The following TOP2B variants were observed in gnomAD, a reference collection of about 807,000 sequenced individuals.
TOP2B encodes DNA topoisomerase II beta.
TOP2B carries 51 observed loss-of-function variants against 193.5 expected under a neutral mutation model. That is an observed-to-expected ratio of 0.26 (90% CI 0.21 to 0.33). TOP2B has a LOEUF of 0.33. Among genes scored for constraint, TOP2B ranks in the 10% least tolerant of loss-of-function variants. The pLI is 1.00. For missense variants in TOP2B, 1,378 were observed against 1,909.3 expected, an observed-to-expected ratio of 0.72 and a Z score of 5.19; for synonymous variants, 634 against 635.7, an observed-to-expected ratio of 1.00 and a Z score of 0.04.
intron 7 of TOP2B, among the ~76,000 whole-genome samples, chr3:25,634,271 A>G (rs1703040826): frequency 6.6e-6 from 1 of 152,266 alleles, no homozygotes; most frequent in Non-Finnish European, 1.5e-5. Context: ...AGAAATTTCT[A>G]TTTTTAAAAT....
intron 4 of TOP2B, among the ~76,000 whole-genome samples, chr3:25,641,659 T>C (rs1459779162): frequency 6.6e-6 from 1 of 152,100 alleles, no homozygotes; most frequent in African/African-American, 2.4e-5. Context: ...TTAACTGAAA[T>C]TAGATTATTA....
intron 25 of TOP2B, among the ~76,000 whole-genome samples, chr3:25,617,298 G>C (rs1365198647): frequency 6.6e-6 from 1 of 151,970 alleles, no homozygotes; most frequent in Non-Finnish European, 1.5e-5. Context: ...ACCATAATTT[G>C]GGGTTCAATA....
At chr3:25,616,291 TA>T (rs1156476827) in intron 25 of TOP2B, among the ~76,000 whole-genome samples, 13 of 151,868 alleles carry the variant, frequency 8.6e-5, no homozygotes, top group African/African-American at 3.1e-4. Context: ...ATATCACCTT[TA>T]AATTTTTTAA....
intron 4 of TOP2B, 48 bp from the exon 5 acceptor site, chr3:25,638,358 A>AAAAAT: frequency 7.3e-7 from 1 of 1,372,898 alleles, no homozygotes; most frequent in East Asian, 2.8e-5. Flanking sequence ...AAAAAGCAGA[A>AAAAAT]TTTAGAGCTT....
In TOP2B at chr3:25,598,286, A is replaced by ATGT. The variant is rs1559487729; in HGVS notation, c.*18_*20dup. On this transcript the variant is annotated 3_prime_UTR_variant, in exon 36 of 36. Transcript: ENST00000264331. The stretch of plus-strand genomic sequence containing the variant: ...GACAACACAAGATATTTGTTGAAAA[A>ATGT]TGTTTGTGCTCTTTGGGCACTTAAT... 1 of 1,584,254 alleles carries ATGT rather than the reference A, an allele frequency of 6.3e-7. No homozygotes were observed. Among genetic ancestry groups the ATGT allele is most frequent in the East Asian group, 2.3e-5 (1 of 44,146 alleles).
chr3:25,657,697 G>C (rs1159756218), intron 1 of TOP2B, among the ~76,000 whole-genome samples: 1 of 152,126 alleles, frequency 6.6e-6, no homozygotes, highest in African/African-American at 2.4e-5. Flanking sequence ...ACAGTAATAA[G>C]ATATCATGTT....
intron 2 of TOP2B, among the ~76,000 whole-genome samples, chr3:25,644,020 G>T (rs1703340600): frequency 2.0e-5 from 3 of 150,662 alleles, no homozygotes; most frequent in Admixed American, 6.6e-5. Context: ...TTTAATGTAA[G>T]ACATCAATAA....
intron 23 of TOP2B, among the ~76,000 whole-genome samples, chr3:25,619,548 G>C (rs1294986185): frequency 1.3e-5 from 2 of 152,016 alleles, no homozygotes; most frequent in Non-Finnish European, 2.9e-5. Context: ...AATGCTAATA[G>C]AGATGGCCAT....
chr3:25,623,740 T>C lies in TOP2B; in HGVS notation c.2502A>G (p.Leu834=). The C allele has an allele frequency of 1.2e-6, 2 of 1,607,684 alleles. No individual in the cohort carries two copies. The highest frequency in any genetic ancestry group is 1.3e-5 in the African/African-American group (1 of 74,896). The change falls in exon 21 of 36, where the codon TTA becomes TTG. Residue 834 remains leucine, a synonymous_variant. Transcript: ENST00000264331. ...CCACAGCAGGAAAAAGTAGCCTTGCTAAAGTGCTAATGAAAACAAAAAGAA... is the reference window on the plus strand; with the variant it reads ...CCACAGCAGGAAAAAGTAGCCTTGCCAAAGTGCTAATGAAAACAAAAAGAA... ...PRYIFTMLST[L]ARLLFPAVDD...
chr3:25,625,830 A>T (rs1255125797), intron 18 of TOP2B, among the ~76,000 whole-genome samples: 4 of 152,224 alleles, frequency 2.6e-5, no homozygotes, highest in African/African-American at 4.8e-5. Context: ...AACTTCTTTA[A>T]GAATTTTGTA....
In TOP2B at chr3:25,662,053, T is replaced by A. The variant is rs1455042181; in HGVS notation, c.69+2176A>T. Among the ~76,000 whole-genome samples the A allele has an allele frequency of 3.9e-5, 6 of 152,228 alleles. No individual in the cohort carries two copies. In the East Asian group the frequency reaches 1.2e-3, roughly 29 times the overall value. On this transcript the variant is annotated intron_variant, in intron 1 of 35. Transcript: ENST00000264331. ...TTGCTTTTACCCCAGCTAAAAGATATTTTATGTAAAAGCAACTGCAATCTA... is the reference window on the plus strand; with the variant it reads ...TTGCTTTTACCCCAGCTAAAAGATAATTTATGTAAAAGCAACTGCAATCTA...
chr3:25,630,242 T>C, intron 12 of TOP2B, 70 bp downstream of exon 12: 1 of 1,522,318 alleles, frequency 6.6e-7, no homozygotes, highest in Non-Finnish European at 8.8e-7. Context: ...AGAAGTTTAG[T>C]AAAGTATTAG....
rs989643974 is a variant in TOP2B at position 25,606,002 on chromosome 3, G to T, written c.4378+41C>A. ...TACTGTTTTCTCTCCACCACTAAAA[G>T]CAATAATACAATAACCAATGAAAAG... is the stretch of plus-strand genomic sequence containing the variant. On this transcript the variant is annotated intron_variant, in intron 32 of 35. Coordinates refer to ENST00000264331, the MANE Select transcript of TOP2B (RefSeq NM_001330700.2). The T allele has an allele frequency of 1.1e-5, 13 of 1,150,184 alleles. No homozygotes were observed. In the African/African-American group the frequency reaches 1.9e-4, roughly 17 times the overall value. 71.2% of individuals were successfully genotyped at this position (1,150,184 alleles called of 1,614,324 possible). A position where few individuals can be genotyped will look rare whatever the true frequency, so the allele number is the denominator to read the frequency against.
Position 25,624,665 on chromosome 3 carries a change from C to T in TOP2B, c.2346+17G>A, listed in dbSNP as rs2293787. ...CAATAATTACAGTTCTCAATTGATT[C>T]CAATCTTAATGCTTACTTCTCCATG... is the stretch of plus-strand genomic sequence containing the variant. On this transcript the variant is annotated intron_variant, in intron 19 of 35. Transcript: ENST00000264331. 0.17 allele frequency: 269,545 copies of T among 1,610,662 alleles called. 23,553 individuals are homozygous for T. The highest frequency in any genetic ancestry group is 0.2 in the East Asian group (8,850 of 44,816).
intron 1 of TOP2B, among the ~76,000 whole-genome samples, chr3:25,654,848 G>GGAA (rs902914253): frequency 6.6e-6 from 1 of 152,112 alleles, no homozygotes; most frequent in African/African-American, 2.4e-5. Flanking sequence ...AATGGTGCTG[G>GGAA]GAAAACTGGA....
intron 15 of TOP2B, 91 bp from the exon 16 acceptor site, chr3:25,627,387 T>C (rs550961284): frequency 5.4e-6 from 4 of 741,794 alleles, no homozygotes; most frequent in African/African-American, 1.8e-5. Flanking sequence ...TTGTAATAGA[T>C]GGATCAAGCT....
chr3:25,660,981 T>C (rs1349818117), intron 1 of TOP2B, among the ~76,000 whole-genome samples: 1 of 150,510 alleles, frequency 6.6e-6, no homozygotes, highest in African/African-American at 2.5e-5. Flanking sequence ...AGGGATAAAG[T>C]GGGTGGTCTT....
intron 21 of TOP2B, among the ~76,000 whole-genome samples, chr3:25,622,875 C>G (rs1217005573): frequency 2.6e-5 from 4 of 152,176 alleles, no homozygotes; most frequent in African/African-American, 9.7e-5. Context: ...CTCCTGACCT[C>G]AGGTGATCCA....
At chr3:25,626,711 A>ACT in intron 17 of TOP2B, 37 bp from the exon 18 acceptor site, 1 of 1,509,026 alleles carries the variant, frequency 6.6e-7, no homozygotes. Context: ...TATCATTATT[A>ACT]CTGCATGAAT....
Sources: allele counts gnomAD v4.1 joint callset (sites outside exome capture counted in the v4.1 genomes callset), GRCh38; gene constraint gnomAD v4.1.1; transcripts MANE v1.5; gene names NCBI Gene and HGNC (gene_info 2026-07-23, HGNC 2026-07-21).